RNF121: variants seen among roughly 807,000 people sequenced by gnomAD.
RNF121 encodes ring finger protein 121.
Under a neutral mutation model 46.5 loss-of-function variants are expected in RNF121, and 21 were observed. The observed-to-expected ratio is 0.45, with a 90% confidence interval of 0.32 to 0.65. The LOEUF (loss-of-function observed/expected upper bound fraction) is 0.65. RNF121 is among the 30% of genes least tolerant of loss of function. The pLI is 0.04. For synonymous variants in RNF121, 139 were observed against 144.7 expected (o/e 0.96, Z 0.28); for missense variants, 346 against 416.0 (o/e 0.83, Z 1.46).
rs115230148 is a variant in RNF121, at chr11:71,991,299, G to A, written c.627+582G>A. On this transcript the variant is annotated intron_variant, in intron 6 of 8. Transcript: ENST00000361756. ...ATTTTTCTCTTTAGGGCCATTATAG[G>A]AAAGAGCCACTTTATCCAGCAGGAA... is the stretch of plus-strand genomic sequence containing the variant. Among the ~76,000 whole-genome samples the A allele has an allele frequency of 8.8e-3, 1,338 of 152,080 alleles. 12 individuals carry two copies. Among genetic ancestry groups the A allele is most frequent in the Middle Eastern group, 0.038 (11 of 290 alleles).
intron 4 of RNF121, chr11:71,983,867 A>G (rs1373399766): frequency 7.2e-5 from 11 of 152,492 alleles, no homozygotes; most frequent in Non-Finnish European, 1.5e-4. Flanking sequence ...CAAATTGTAG[A>G]TTGCTCTTCT....
chr11:71,929,941 G>A (rs1489940986), intron 1 of RNF121, among the ~76,000 whole-genome samples: 1 of 152,204 alleles, frequency 6.6e-6, no homozygotes, highest in Non-Finnish European at 1.5e-5. Flanking sequence ...CGATAAATAA[G>A]TGTCTCTCTC....
At chr11:71,974,025 T>C (rs1954476964) in intron 3 of RNF121, among the ~76,000 whole-genome samples, 1 of 152,080 alleles carries the variant, frequency 6.6e-6, no homozygotes, top group Non-Finnish European at 1.5e-5. Context: ...CACTGCAAGC[T>C]CCGCCTCCCG....
chr11:71,937,537 A>G (rs1334907479), intron 1 of RNF121, among the ~76,000 whole-genome samples: 1 of 152,192 alleles, frequency 6.6e-6, no homozygotes, highest in African/African-American at 2.4e-5. Flanking sequence ...GAACATCCCC[A>G]GAAAATGGAC....
At chr11:71,980,377 C>T (rs76230847) in intron 3 of RNF121, among the ~76,000 whole-genome samples, 4,929 of 151,128 alleles carry the variant, frequency 0.033, 76 homozygotes, top group East Asian at 0.078. Context: ...TGGAGTCTAA[C>T]ACTCTGTCAC....
intron 3 of RNF121, among the ~76,000 whole-genome samples, chr11:71,982,335 C>CAAAAAAAAAAAA (rs10635678): frequency 5.1e-5 from 4 of 79,112 alleles, no homozygotes; most frequent in Non-Finnish European, 4.6e-5. Context: ...GACTCCATCT[C>CAAAAAAAAAAAA]AAAAAAAAAA....
At chr11:71,994,584 A>T in intron 6 of RNF121, 135 bp from the exon 7 acceptor site, 1 of 970,936 alleles carries the variant, frequency 1.0e-6, no homozygotes, top group Non-Finnish European at 1.6e-6. Context: ...TAAAAAAAAA[A>T]AGATGTCCTC....
At chr11:71,994,095 C>T (rs1350134879) in intron 6 of RNF121, among the ~76,000 whole-genome samples, 3 of 152,158 alleles carry the variant, frequency 2.0e-5, no homozygotes, top group Admixed American at 6.5e-5. Context: ...CCTCCTTGGC[C>T]TCCCAAAGTG....
In RNF121 at chr11:71,995,470, G is replaced by A. The variant is rs973408428; in HGVS notation, c.782G>A (p.Arg261His). ...CNHVFHEFCI[R>H]GWCIVGKKQT... ...CTCAGCTTCCACGAGTTCTGCATCC[G>A]TGGCTGGTGCATCGTGGGAAAGAAG... Residue 261 changes from arginine to histidine, a missense_variant, in exon 8 of 9, where the codon CGT becomes CAT. Arg to His is a conservative substitution (Grantham distance 29). Coordinates refer to ENST00000361756, the MANE Select transcript of RNF121 (RefSeq NM_018320.5). 17 of 1,586,934 alleles carry A rather than the reference G, an allele frequency of 1.1e-5. No individual in the cohort carries two copies. The highest frequency in any genetic ancestry group is 1.8e-5 in the Admixed American group (1 of 56,714).
At chr11:71,963,861 C>G (rs1395975196) in intron 3 of RNF121, among the ~76,000 whole-genome samples, 1 of 152,174 alleles carries the variant, frequency 6.6e-6, no homozygotes, top group Non-Finnish European at 1.5e-5. Flanking sequence ...CAGTTTTATT[C>G]CGTTGATCTA....
intron 3 of RNF121, among the ~76,000 whole-genome samples, chr11:71,969,786 C>A (rs1340142358): frequency 6.6e-6 from 1 of 152,080 alleles, no homozygotes; most frequent in Non-Finnish European, 1.5e-5. Flanking sequence ...AGACTGGTCT[C>A]AAACTACTGG....
intron 1 of RNF121, among the ~76,000 whole-genome samples, chr11:71,956,924 C>G (rs1954002621): frequency 6.6e-6 from 1 of 152,164 alleles, no homozygotes. Flanking sequence ...GATAAATTTT[C>G]TGTTTACGTC....
Position 71,982,741 on chromosome 11 carries a change from T to C in RNF121, c.244-20T>C. The stretch of plus-strand genomic sequence containing the variant: ...CAGAGGGAGCTGGCCAGAGCTGAAG[T>C]GCTTGTGTTTGTGTTTCAGATGGTG... On this transcript the variant is annotated intron_variant, in intron 3 of 8. Coordinates refer to ENST00000361756, the MANE Select transcript of RNF121 (RefSeq NM_018320.5). 6.3e-7 allele frequency: 1 copy of C among 1,598,268 alleles called. No homozygotes were observed. The highest frequency in any genetic ancestry group is 8.5e-7 in the Non-Finnish European group (1 of 1,172,694).
At chr11:71,933,192 A>T (rs1028732624) in intron 1 of RNF121, among the ~76,000 whole-genome samples, 2 of 152,210 alleles carry the variant, frequency 1.3e-5, no homozygotes, top group Non-Finnish European at 2.9e-5. Context: ...TAGCTTGGGA[A>T]TTAAGGTAAA....
chr11:71,938,435 T>A (rs909244428), intron 1 of RNF121, among the ~76,000 whole-genome samples: 11 of 148,816 alleles, frequency 7.4e-5, no homozygotes, highest in African/African-American at 2.5e-4. Flanking sequence ...TTCTTCTGCC[T>A]CAGCCTCCTG....
At chr11:71,984,624 ACT>A (rs1404467752) in intron 4 of RNF121, among the ~76,000 whole-genome samples, 1 of 125,880 alleles carries the variant, frequency 7.9e-6, no homozygotes, top group Non-Finnish European at 1.7e-5. Flanking sequence ...ACAGGGTCTC[ACT>A]CTGTCACCCA....
At chr11:71,950,062 C>T (rs962997353) in intron 1 of RNF121, among the ~76,000 whole-genome samples, 2 of 151,672 alleles carry the variant, frequency 1.3e-5, no homozygotes, top group Non-Finnish European at 2.9e-5. Context: ...CAAAAACAAA[C>T]AAAAAATATA....
At chr11:71,970,034 T>A (rs1290153747) in intron 3 of RNF121, among the ~76,000 whole-genome samples, 1 of 152,224 alleles carries the variant, frequency 6.6e-6, no homozygotes, top group East Asian at 1.9e-4. Flanking sequence ...ATTTATCATG[T>A]TATTAAATAA....
intron 3 of RNF121, among the ~76,000 whole-genome samples, chr11:71,967,222 T>C (rs1017461440): frequency 1.7e-4 from 25 of 151,094 alleles, no homozygotes; most frequent in African/African-American, 6.0e-4. Context: ...ATTTCTACTT[T>C]ATTATATTTA....
Sources: allele counts gnomAD v4.1 joint callset (sites outside exome capture counted in the v4.1 genomes callset), GRCh38; gene constraint gnomAD v4.1.1; transcripts MANE v1.5; gene names NCBI Gene and HGNC (gene_info 2026-07-23, HGNC 2026-07-21).